ZNF804B: variants seen among roughly 807,000 people sequenced by gnomAD.
The protein encoded by ZNF804B is zinc finger protein 804B, also known as zinc finger 804B.
ZNF804B carries 80 observed loss-of-function variants against 101.4 expected under a neutral mutation model. The ratio of observed to expected loss-of-function variants is 0.79; its 90% CI spans 0.66 to 0.95. The LOEUF (loss-of-function observed/expected upper bound fraction) is 0.95, where lower values mean the gene tolerates loss of function less well. Among genes scored for constraint, ZNF804B ranks in the 40% least tolerant of loss-of-function variants. The pLI is 0.00. For synonymous variants in ZNF804B, 622 were observed against 558.8 expected (o/e 1.11, Z -1.59); for missense variants, 1,673 against 1,561.9 (o/e 1.07, Z -1.20).
intron 1 of ZNF804B, among the ~76,000 whole-genome samples, chr7:88,971,759 C>T (rs190001723): frequency 5.1e-4 from 77 of 151,556 alleles, no homozygotes; most frequent in African/African-American, 1.6e-3. Context: ...TACAATATTA[C>T]CCTTTTATTA....
In ZNF804B at chr7:89,224,564, C is replaced by G. The variant is rs1042704649; in HGVS notation, c.249+6269C>G. On this transcript the variant is annotated intron_variant, in intron 2 of 3. Transcript: ENST00000333190. ...GTTATTAGTCCTCTAAAAGTGCTAA[C>G]AAAATGTCAAAGTGTAGATGAGTGG... is the stretch of plus-strand genomic sequence containing the variant. Among the ~76,000 whole-genome samples, 12 of 151,994 alleles carry G rather than the reference C, an allele frequency of 7.9e-5. 1 individual carries two copies. In the South Asian group the frequency reaches 1.7e-3, roughly 21 times the overall value.
chr7:89,212,850 C>T (rs1205274040), intron 1 of ZNF804B, among the ~76,000 whole-genome samples: 1 of 152,094 alleles, frequency 6.6e-6, no homozygotes, highest in Non-Finnish European at 1.5e-5. Context: ...TATCCTTATG[C>T]TAAGGAGGCA....
intron 1 of ZNF804B, among the ~76,000 whole-genome samples, chr7:88,960,375 G>A (rs1793371838): frequency 6.6e-6 from 1 of 151,246 alleles, no homozygotes; most frequent in African/African-American, 2.4e-5. Context: ...GGCAGCACCA[G>A]TGGTGTTATC....
At chr7:89,144,901 T>TTA (rs1790770386) in intron 1 of ZNF804B, among the ~76,000 whole-genome samples, 1 of 151,664 alleles carries the variant, frequency 6.6e-6, no homozygotes, top group Admixed American at 6.6e-5. Context: ...AGCTCAGGAG[T>TTA]TATAGTCCAC....
At chr7:88,936,886 A>G (rs764354507) in intron 1 of ZNF804B, among the ~76,000 whole-genome samples, 7 of 152,060 alleles carry the variant, frequency 4.6e-5, no homozygotes, top group Non-Finnish European at 8.8e-5. Context: ...GAAGCACCAT[A>G]CTGTGGAGCG....
intron 2 of ZNF804B, among the ~76,000 whole-genome samples, chr7:89,230,363 G>T (rs1170562570): frequency 6.6e-6 from 1 of 151,836 alleles, no homozygotes. Flanking sequence ...TAGTATAAGT[G>T]ACTCTGTCCC....
chr7:88,866,176 C>A (rs1222236438), intron 1 of ZNF804B, among the ~76,000 whole-genome samples: 1 of 152,096 alleles, frequency 6.6e-6, no homozygotes, highest in African/African-American at 2.4e-5. Context: ...TAAAATTTCA[C>A]CTTATAATTA....
intron 1 of ZNF804B, among the ~76,000 whole-genome samples, chr7:89,040,491 ACT>A (rs1383060725): frequency 6.6e-6 from 1 of 151,118 alleles, no homozygotes; most frequent in Non-Finnish European, 1.5e-5. Context: ...CTTTCTTAAA[ACT>A]CTGATTTCAT....
intron 2 of ZNF804B, among the ~76,000 whole-genome samples, chr7:89,271,510 A>G (rs560275493): frequency 3.9e-5 from 6 of 152,134 alleles, no homozygotes; most frequent in South Asian, 2.1e-4. Flanking sequence ...TTCATCAGGG[A>G]TATTGGTCTA....
At chr7:89,035,011 T>C (rs1159621396) in intron 1 of ZNF804B, among the ~76,000 whole-genome samples, 1 of 152,192 alleles carries the variant, frequency 6.6e-6, no homozygotes, top group Admixed American at 6.5e-5. Context: ...CAACTGCACA[T>C]TGCACATTCA....
Position 89,333,337 on chromosome 7 carries a change from C to T in ZNF804B, c.381-26C>T, listed in dbSNP as rs1165465355. On this transcript the variant is annotated intron_variant, in intron 3 of 3. Transcript: ENST00000333190. ...ATGATTCCAAAGCTAATCTCTTAAT[C>T]ATTTAAATATTTATTGTATTTACAG... is the stretch of plus-strand genomic sequence containing the variant. 2.6e-6 allele frequency: 4 copies of T among 1,516,024 alleles called. No individual in the cohort carries two copies. In the African/African-American group the frequency reaches 5.7e-5, roughly 21 times the overall value. The allele number at this position is 1,516,024 out of a possible 1,614,324, so 93.9% of individuals were successfully genotyped here. A position where few individuals can be genotyped will look rare whatever the true frequency, so the allele number is the denominator to read the frequency against.
intron 1 of ZNF804B, among the ~76,000 whole-genome samples, chr7:88,846,528 T>C (rs1791375733): frequency 6.6e-6 from 1 of 152,168 alleles, no homozygotes; most frequent in African/African-American, 2.4e-5. Flanking sequence ...ACATCGACTT[T>C]AGACGCCTCA....
At chr7:88,806,803 A>C (rs1419956877) in intron 1 of ZNF804B, among the ~76,000 whole-genome samples, 2 of 152,122 alleles carry the variant, frequency 1.3e-5, no homozygotes, top group Non-Finnish European at 2.9e-5. Flanking sequence ...ATATTTAATA[A>C]GTTTCTAGAG....
chr7:89,121,006 TAGTC>T (rs1394930657), intron 1 of ZNF804B, among the ~76,000 whole-genome samples: 1 of 152,190 alleles, frequency 6.6e-6, no homozygotes, highest in Non-Finnish European at 1.5e-5. Context: ...TTAAACGACT[TAGTC>T]ATCATAAAAT....
chr7:89,216,675 T>C (rs548648150), intron 1 of ZNF804B, among the ~76,000 whole-genome samples: 1 of 152,342 alleles, frequency 6.6e-6, no homozygotes, highest in African/African-American at 2.4e-5. Flanking sequence ...TTTTACCCTC[T>C]TATATTTGGG....
chr7:88,859,725 A>G (rs10272805), intron 1 of ZNF804B, among the ~76,000 whole-genome samples: 6,792 of 151,904 alleles, frequency 0.045, 438 homozygotes, highest in African/African-American at 0.14. Flanking sequence ...GAAACATTTG[A>G]CTCTATGTCC....
chr7:88,902,969 T>C (rs1166395217), intron 1 of ZNF804B, among the ~76,000 whole-genome samples: 1 of 152,128 alleles, frequency 6.6e-6, no homozygotes, highest in African/African-American at 2.4e-5. Flanking sequence ...TTATTTTACA[T>C]ATGGGAGTAC....
At chr7:88,915,165 A>C (rs1298251871) in intron 1 of ZNF804B, among the ~76,000 whole-genome samples, 4 of 152,094 alleles carry the variant, frequency 2.6e-5, no homozygotes, top group Admixed American at 2.0e-4. Context: ...ATCTTTAATG[A>C]GAGTTTCTTC....
At chr7:89,065,909 A>C (rs1054346221) in intron 1 of ZNF804B, among the ~76,000 whole-genome samples, 4 of 152,120 alleles carry the variant, frequency 2.6e-5, no homozygotes, top group African/African-American at 9.7e-5. Context: ...CCCATTTCTA[A>C]GTGCTTAATT....
Sources: gnomAD v4.1 joint callset for allele counts (sites outside exome capture counted in the v4.1 genomes callset) on GRCh38, gnomAD v4.1.1 for gene constraint, MANE v1.5 for transcripts, NCBI Gene and HGNC (gene_info 2026-07-23, HGNC 2026-07-21) for gene names.